Variants in PYGL observed in about 807,000 individuals in gnomAD.
PYGL encodes glycogen phosphorylase, liver form.
A neutral mutation model predicts 100.1 loss-of-function variants in PYGL; 90 were observed. The ratio of observed to expected loss-of-function variants is 0.90; its 90% CI spans 0.76 to 1.07. The LOEUF is 1.07. PYGL is among the 50% of genes least tolerant of loss of function. PYGL has a pLI of 0.00. For missense variants in PYGL, 1,016 were observed against 1,057.6 expected (o/e 0.96, Z 0.55); for synonymous variants, 373 against 393.0 (o/e 0.95, Z 0.60).
rs765927476 is a variant in PYGL at position 50,909,895 on chromosome 14, C to A, written c.2177G>T (p.Gly726Val). Residue 726 changes from glycine to valine, a missense_variant and splice_region_variant, in exon 17 of 20, where the codon GGG (glycine) becomes GTG (valine). Physicochemically the swap from Gly to Val is moderately radical, Grantham distance 109. Coordinates refer to ENST00000216392, the MANE Select transcript of PYGL (RefSeq NM_002863.5). ...TAGCAAAGAGAAGCTATTCTCTTACCCTTTCTTGTCCAAAGCAGCCACATC... is the reference window on the plus strand; with the variant it reads ...TAGCAAAGAGAAGCTATTCTCTTACACTTTCTTGTCCAAAGCAGCCACATC... ...IDDVAALDKK[G>V]YEAKEYYEAL... 3.1e-6 allele frequency: 5 copies of A among 1,614,000 alleles called. No individual in the cohort carries two copies. Among genetic ancestry groups the A allele is most frequent in the Non-Finnish European group, 4.2e-6 (5 of 1,180,004 alleles).
At chr14:50,920,474 T>C (rs1163600132) in intron 7 of PYGL, 67 bp downstream of exon 7, 12 of 1,399,032 alleles carry the variant, frequency 8.6e-6, no homozygotes, top group Non-Finnish European at 1.2e-5. Context: ...TTTTATAGGT[T>C]ACTGAACAGG....
In PYGL at chr14:50,944,365, C is replaced by T. The variant is rs1472778818; in HGVS notation, c.39G>A (p.Gln13=). 2 of 1,613,426 alleles carry T rather than the reference C, an allele frequency of 1.2e-6. No individual in the cohort carries two copies. The highest frequency in any genetic ancestry group is 2.2e-5 in the South Asian group (2 of 91,078). ...CGCCCACGATGCCGCGGATGCTGAT[C>T]TGCCGCCGCTTCTCCTGGTCCGTCA... ...KPLTDQEKRR[Q]ISIRGIVGVE... Residue 13 remains glutamine (Q), a synonymous_variant, in exon 1 of 20, where the codon CAG becomes CAA. Transcript: ENST00000216392.
rs1458254308 is a variant in PYGL at position 50,908,708 on chromosome 14, G to A, written c.2312+113C>T. On this transcript the variant is annotated intron_variant, in intron 18 of 19. Coordinates refer to ENST00000216392, the MANE Select transcript of PYGL (RefSeq NM_002863.5). ...TGCTAATCTACATGAGTGGGTTTAA[G>A]TTGGTTTAAGATTGGTTTAAGATTT... 9.0e-6 allele frequency: 13 copies of A among 1,440,876 alleles called. No homozygotes were observed. The African/African-American group carries it at 1.7e-4, about 19-fold the overall frequency. The allele number at this position is 1,440,876 out of a possible 1,614,324, so 89.3% of individuals were successfully genotyped here. A position where few individuals can be genotyped will look rare whatever the true frequency, so the allele number is the denominator to read the frequency against.
At chr14:50,934,675 G>A (rs1457634164) in intron 3 of PYGL, among the ~76,000 whole-genome samples, 2 of 151,950 alleles carry the variant, frequency 1.3e-5, no homozygotes, top group East Asian at 1.9e-4. Flanking sequence ...ATATATATGT[G>A]TGTGTGTGTT....
At chr14:50,934,852 T>C (rs1415440151) in intron 3 of PYGL, among the ~76,000 whole-genome samples, 1 of 152,214 alleles carries the variant, frequency 6.6e-6, no homozygotes, top group East Asian at 1.9e-4. Context: ...ACATTTAACA[T>C]ACTCTTAAGT....
chr14:50,909,106 T>C, intron 17 of PYGL, 151 bp from the exon 18 acceptor site: 2 of 875,626 alleles, frequency 2.3e-6, no homozygotes, highest in Non-Finnish European at 3.5e-6. Flanking sequence ...CATGAGTATA[T>C]ATAACTTTTA....
intron 1 of PYGL, among the ~76,000 whole-genome samples, chr14:50,938,791 A>C (rs528250549): frequency 9.2e-5 from 14 of 152,250 alleles, no homozygotes; most frequent in Admixed American, 2.6e-4. Flanking sequence ...CCCTCTCCTG[A>C]TCATGAACCT....
At chr14:50,914,496 C>CAATAATAATAATAATAATAATAATAAT (rs58316457) in intron 12 of PYGL, among the ~76,000 whole-genome samples, 141 of 148,542 alleles carry the variant, frequency 9.5e-4, no homozygotes, top group African/African-American at 3.3e-3. Flanking sequence ...AACTCTGTCT[C>CAATAATAATAATAATAATAATAATAAT]AATAATAATA....
intron 4 of PYGL, among the ~76,000 whole-genome samples, chr14:50,930,141 C>T (rs1022920341): frequency 6.6e-6 from 1 of 152,098 alleles, no homozygotes; most frequent in Non-Finnish European, 1.5e-5. Context: ...ATATGAATGG[C>T]TTCACTAATA....
At chr14:50,910,202 T>A in intron 16 of PYGL, 100 bp from the exon 17 acceptor site, 1 of 1,224,550 alleles carries the variant, frequency 8.2e-7, no homozygotes, top group Non-Finnish European at 1.2e-6. Context: ...ATAATTAAAG[T>A]AATACATGCA....
intron 8 of PYGL, 42 bp from the exon 9 acceptor site, chr14:50,916,776 C>A: frequency 1.3e-6 from 2 of 1,585,682 alleles, no homozygotes; most frequent in Non-Finnish European, 1.7e-6. Flanking sequence ...ACGGATGGCT[C>A]AGGGTCTGGC....
At position 50,920,653 on chromosome 14, in the gene PYGL, G is replaced by C. The variant is rs369187868; in HGVS notation, c.773-30C>G. 4.0e-5 allele frequency: 63 copies of C among 1,564,820 alleles called. No homozygotes were observed. In the Middle Eastern group the frequency reaches 5.1e-4, roughly 13 times the overall value. On this transcript the variant is annotated intron_variant, in intron 6 of 19. Coordinates refer to ENST00000216392, the MANE Select transcript of PYGL (RefSeq NM_002863.5). The stretch of plus-strand genomic sequence containing the variant: ...GGGAAAGTTAGAGAAACAATAAATA[G>C]AGAAACCAGCCATTGTTGTTGGAAA...
rs372052157 is a variant in PYGL at position 50,917,029 on chromosome 14, C to A, written c.932G>T (p.Arg311Leu). ...VAATLQDIIR[R>L]FKASKFGSTR... is the part of the protein sequence containing the mutation. ...GGAGCCAAACTTGGAGGCTTTGAAA[C>A]GGCGGATGATATCTTGCAAGGTTGC... is the stretch of plus-strand genomic sequence containing the variant. The change falls in exon 8 of 20, where the codon CGT (arginine) becomes CTT (leucine). Residue 311 changes from arginine to leucine, a missense_variant. Coordinates refer to ENST00000216392, the MANE Select transcript of PYGL (RefSeq NM_002863.5). The A allele has an allele frequency of 2.0e-5, 32 of 1,613,952 alleles. No homozygotes were observed. The highest frequency in any genetic ancestry group is 2.6e-5 in the Non-Finnish European group (31 of 1,179,822).
At chr14:50,937,647 CT>C (rs2050665586) in intron 2 of PYGL, 88 bp downstream of exon 2, 7 of 1,271,416 alleles carry the variant, frequency 5.5e-6, no homozygotes, top group Admixed American at 1.7e-5. Flanking sequence ...TCTTATTTTA[CT>C]TTATTTTTTT....
chr14:50,915,008 C>G (rs2050432475), intron 11 of PYGL, among the ~76,000 whole-genome samples, 193 bp from the exon 12 acceptor site: 1 of 152,168 alleles, frequency 6.6e-6, no homozygotes, highest in Admixed American at 6.5e-5. Flanking sequence ...AAAGAATTAC[C>G]AGAAAAATTC....
At position 50,915,406 on chromosome 14, in the gene PYGL, G is replaced by C. The variant is rs2050437479; in HGVS notation, c.1333C>G (p.Leu445Val). ...ACAGCATGGGAACCGACAATGCAGA[G>C]ATGGGCCATGTTGATCCTTTTGCTT... ...EGSKRINMAH[L>V]CIVGSHAVNG... The change falls in exon 11 of 20, where the codon CTC (leucine) becomes GTC (valine). Residue 445 changes from leucine to valine, a missense_variant. Physicochemically the swap from Leu to Val is conservative, Grantham distance 32 (BLOSUM62 1). Transcript: ENST00000216392. 6.2e-7 allele frequency: 1 copy of C among 1,614,176 alleles called. No homozygotes were observed. Among genetic ancestry groups the C allele is most frequent in the Non-Finnish European group, 8.5e-7 (1 of 1,180,038 alleles).
chr14:50,918,438 C>T (rs8021270), intron 7 of PYGL, among the ~76,000 whole-genome samples: 31,311 of 152,116 alleles, frequency 0.21, 4,391 homozygotes, highest in African/African-American at 0.41. Flanking sequence ...TCAGTCTAGG[C>T]GCCCATCAAC....
Position 50,914,743 on chromosome 14 carries a change from C to A in PYGL, c.1476G>T (p.Trp492Cys). The A allele has an allele frequency of 1.2e-6, 2 of 1,614,022 alleles. No homozygotes were observed. Among genetic ancestry groups the A allele is most frequent in the Non-Finnish European group, 1.7e-6 (2 of 1,179,964 alleles). ...CAAGTCCTGGGTTGCAGAGTAGGAGCCAGCGCCTTGGAGTGATCCCATTGG... is the reference window on the plus strand; with the variant it reads ...CAAGTCCTGGGTTGCAGAGTAGGAGACAGCGCCTTGGAGTGATCCCATTGG... ...NKTNGITPRRWLLLCNPGLAE... is the reference protein window; with the variant it reads ...NKTNGITPRRCLLLCNPGLAE... The change falls in exon 12 of 20, where the codon TGG (tryptophan) becomes TGT (cysteine). Residue 492 changes from tryptophan to cysteine, a missense_variant. By Grantham distance (215) the Trp-to-Cys change is radical. Transcript: ENST00000216392.
chr14:50,922,664 T>C (rs1006200102), intron 5 of PYGL, among the ~76,000 whole-genome samples: 3 of 152,174 alleles, frequency 2.0e-5, no homozygotes, highest in African/African-American at 4.8e-5. Context: ...GCTGGGACAC[T>C]AGGGCCGAGA....
Sources: gnomAD v4.1 joint callset for allele counts (sites outside exome capture counted in the v4.1 genomes callset) on GRCh38, gnomAD v4.1.1 for gene constraint, MANE v1.5 for transcripts, NCBI Gene and HGNC (gene_info 2026-07-23, HGNC 2026-07-21) for gene names.